Variants in MYO19 observed in about 807,000 individuals in gnomAD.
The protein encoded by MYO19 is myosin XIX, also known as unconventional myosin-XIX.
A neutral mutation model predicts 129.2 loss-of-function variants in MYO19; 132 were observed. The ratio of observed to expected loss-of-function variants is 1.02; its 90% confidence interval spans 0.89 to 1.18. MYO19 has a LOEUF of 1.18. Ranked by LOEUF, MYO19 falls within the 50% of genes most tolerant of loss-of-function variation. MYO19 has a pLI of 0.00. For synonymous variants in MYO19, 531 were observed against 477.2 expected, an observed-to-expected ratio of 1.11 and a Z score of -1.47; for missense variants, 1,210 against 1,216.7, an observed-to-expected ratio of 0.99 and a Z score of 0.08.
At chr17:36,537,671 T>C (rs371568140), upstream of MYO19, 114 of 1,614,184 alleles carry the variant, frequency 7.1e-5, no homozygotes, top group Admixed American at 3.3e-4. Flanking sequence ...GGAGAAAATA[T>C]ATGGAAGGGT....
chr17:36,509,318 A>T, intron 13 of MYO19, 183 bp from the exon 14 acceptor site: 1 of 617,410 alleles, frequency 1.6e-6, no homozygotes, highest in East Asian at 2.7e-5. Flanking sequence ...CTACAGATGC[A>T]GGCTATGGGC....
At chr17:36,537,654 GT>G, upstream of MYO19, 1 of 1,614,146 alleles carries the variant, frequency 6.2e-7, no homozygotes, top group Non-Finnish European at 8.5e-7. Context: ...TTGTCTAGAG[GT>G]CAGGAGGAGA....
rs2072532907 is a variant in MYO19 at position 36,513,716 on chromosome 17, C to CTAT, written c.729_730insATA (p.Lys243_Gly244insIle). On this transcript the variant is annotated inframe_insertion, in exon 10 of 26. Transcript: ENST00000614623. ...TGGAGCCTCTCGTCCTCACTGGCTCCTTTGCAAATCTGTGGAGAAGGGTAG... is the reference window on the plus strand; with the variant it reads ...TGGAGCCTCTCGTCCTCACTGGCTCCTATTTTGCAAATCTGTGGAGAAGGGTAG... 6.2e-7 allele frequency: 1 copy of CTAT among 1,613,332 alleles called. No individual in the cohort carries two copies. The highest frequency in any genetic ancestry group is 1.1e-5 in the South Asian group (1 of 91,014).
At chr17:36,536,527 T>C (rs1398270709), upstream of MYO19, among the ~76,000 whole-genome samples, 1 of 145,660 alleles carries the variant, frequency 6.9e-6, no homozygotes, top group Non-Finnish European at 1.5e-5. Flanking sequence ...TCTTTTCCTT[T>C]TTTTTTTTTT....
upstream of MYO19, chr17:36,537,515 G>T (rs766527600): frequency 6.2e-7 from 1 of 1,614,100 alleles, no homozygotes; most frequent in Non-Finnish European, 8.5e-7. Context: ...TTACCAGTGC[G>T]TTTACTGCTA....
chr17:36,504,066 G>A (rs1331923565), intron 19 of MYO19, 46 bp from the exon 20 acceptor site: 2 of 1,447,268 alleles, frequency 1.4e-6, no homozygotes, highest in Admixed American at 2.3e-5. Flanking sequence ...CATGGGGCCA[G>A]CAGGCCAGAA....
At chr17:36,501,258 T>C in intron 21 of MYO19, 23 bp from the exon 22 acceptor site, 2 of 1,598,310 alleles carry the variant, frequency 1.3e-6, no homozygotes, top group Non-Finnish European at 8.5e-7. Flanking sequence ...GATGGCCCCA[T>C]CAGTGCATGG....
At chr17:36,500,003 T>C (rs1599212629) in intron 23 of MYO19, 1 of 151,928 alleles carries the variant, frequency 6.6e-6, no homozygotes, top group African/African-American at 2.4e-5. Flanking sequence ...GGATTATAGG[T>C]GCATACTACC....
At position 36,520,771 on chromosome 17, in the gene MYO19, A is replaced by G. The variant is rs2073085168; in HGVS notation, c.414+4457T>C. Among the ~76,000 whole-genome samples, 5 of 152,212 alleles carry G rather than the reference A, an allele frequency of 3.3e-5. No homozygotes were observed. In the South Asian group the frequency reaches 1.0e-3, roughly 32 times the overall value. Reference sequence around the variant, plus strand: ...TGGAAGAATACAGTATATAAGACATATAACACACAAAATACGTACTGACTG... The same window carrying G: ...TGGAAGAATACAGTATATAAGACATGTAACACACAAAATACGTACTGACTG... On this transcript the variant is annotated intron_variant, in intron 6 of 25. Transcript: ENST00000614623.
chr17:36,525,437 C>T, intron 5 of MYO19, 96 bp from the exon 6 acceptor site: 1 of 917,746 alleles, frequency 1.1e-6, no homozygotes, highest in Non-Finnish European at 1.7e-6. Flanking sequence ...CTGCCAATAG[C>T]AGTGGTGGGA....
At position 36,511,402 on chromosome 17, in the gene MYO19, A is replaced by G. The variant is rs1368150569; in HGVS notation, c.948T>C (p.Asp316=). ...CCATCGGCTGGCAGGGCTGGGCTTC[A>G]TCCTCGGAGGCAGCAAACTGGATAT... is the stretch of plus-strand genomic sequence containing the variant. The part of the protein sequence containing the change: ...LGNIQFAASE[D]EAQPCQPMDD... Residue 316 remains aspartate, a synonymous_variant, in exon 12 of 26, where the codon GAT becomes GAC. Coordinates refer to ENST00000614623, the MANE Select transcript of MYO19 (RefSeq NM_001163735.2). 2 of 1,576,022 alleles carry G rather than the reference A, an allele frequency of 1.3e-6. No homozygotes were observed. The highest frequency in any genetic ancestry group is 4.7e-5 in the East Asian group (2 of 42,622).
intron 2 of MYO19, among the ~76,000 whole-genome samples, chr17:36,541,446 T>G (rs2074197437): frequency 6.6e-6 from 1 of 152,224 alleles, no homozygotes; most frequent in African/African-American, 2.4e-5. Context: ...AGGAATACCT[T>G]GGTACTTTTC....
intron 25 of MYO19, among the ~76,000 whole-genome samples, chr17:36,497,094 G>T (rs2071046389): frequency 6.6e-6 from 1 of 151,864 alleles, no homozygotes; most frequent in Non-Finnish European, 1.5e-5. Flanking sequence ...CTTTGGGAGG[G>T]CAAGGCAGGC....
chr17:36,518,872 ATTGT>A (rs1214172362), intron 6 of MYO19, among the ~76,000 whole-genome samples: 1 of 152,048 alleles, frequency 6.6e-6, no homozygotes, highest in Non-Finnish European at 1.5e-5. Flanking sequence ...TTAGAAGTGC[ATTGT>A]TTAATTTCCC....
intron 2 of MYO19, among the ~76,000 whole-genome samples, chr17:36,540,372 CTTTT>C (rs532388058): frequency 3.6e-5 from 5 of 138,706 alleles, no homozygotes; most frequent in African/African-American, 7.9e-5. Flanking sequence ...ATTCTACTGT[CTTTT>C]TTTTTTTTTT....
At chr17:36,526,096 T>G (rs557636060) in intron 5 of MYO19, among the ~76,000 whole-genome samples, 1 of 152,302 alleles carries the variant, frequency 6.6e-6, no homozygotes, top group South Asian at 2.1e-4. Flanking sequence ...CTGTTCCATA[T>G]GGCGTCAGAG....
intron 6 of MYO19, among the ~76,000 whole-genome samples, chr17:36,518,280 T>C (rs374844808): frequency 1.3e-5 from 2 of 151,678 alleles, no homozygotes; most frequent in East Asian, 1.9e-4. Context: ...GATACCAGCC[T>C]GGCCACCATA....
In MYO19 at chr17:36,501,220, C is replaced by CTG. The variant is rs747712603; in HGVS notation, c.2094_2095dup (p.Ser699ThrfsTer21). The CTG allele has an allele frequency of 2.5e-6, 4 of 1,611,934 alleles. No homozygotes were observed. In the Admixed American group the frequency reaches 6.7e-5, roughly 27 times the overall value. The stretch of plus-strand genomic sequence containing the variant: ...GAGAGGTTCAAGCGTGGCTTCCTCG[C>CTG]TGTGTGGACACCATTCTGGGGGAGG... On this transcript the variant is annotated frameshift_variant, in exon 22 of 26. Coordinates refer to ENST00000614623, the MANE Select transcript of MYO19 (RefSeq NM_001163735.2). LOFTEE classifies it high-confidence loss of function.
rs56944305 is a variant in MYO19, at chr17:36,507,310, A to G, written c.1467+89T>C. Reference sequence around the variant, plus strand: ...TCTATTTGGCAGACTGGGAGGAGAGAGGCACAGAGAGGAAACAGGATAATC... The same window carrying G: ...TCTATTTGGCAGACTGGGAGGAGAGGGGCACAGAGAGGAAACAGGATAATC... On this transcript the variant is annotated intron_variant, in intron 16 of 25. Coordinates refer to ENST00000614623, the MANE Select transcript of MYO19 (RefSeq NM_001163735.2). 1,004 of 1,425,284 alleles carry G rather than the reference A, an allele frequency of 7.0e-4. 8 individuals carry two copies. The African/African-American group carries it at 0.013, about 19-fold the overall frequency. 88.3% of individuals were successfully genotyped at this position (1,425,284 alleles called of 1,614,324 possible).
Sources: allele counts gnomAD v4.1 joint callset (sites outside exome capture counted in the v4.1 genomes callset), GRCh38; gene constraint gnomAD v4.1.1; transcripts MANE v1.5; gene names NCBI Gene and HGNC (gene_info 2026-07-23, HGNC 2026-07-21).